NRG1: variants seen among roughly 807,000 people sequenced by gnomAD.
NRG1 encodes the protein neuregulin 1.
Under a neutral mutation model 63.8 loss-of-function variants are expected in NRG1, and 18 were observed. The ratio of observed to expected loss-of-function variants is 0.28; its 90% confidence interval spans 0.19 to 0.42. NRG1 has a LOEUF of 0.42. NRG1 is among the 10% of genes least tolerant of loss of function. NRG1 has a pLI of 1.00. For missense variants in NRG1, 762 were observed against 814.7 expected (o/e 0.94, Z 0.79); for synonymous variants, 302 against 301.3 (o/e 1.00, Z -0.02).
At chr8:32,044,390 A>T (rs1381467293) in intron 1 of NRG1, among the ~76,000 whole-genome samples, 1 of 151,894 alleles carries the variant, frequency 6.6e-6, no homozygotes. Flanking sequence ...GAAAATTGAC[A>T]GAACTAGTAA....
chr8:32,418,458 G>T (rs1455836957), intron 1 of NRG1, among the ~76,000 whole-genome samples: 1 of 151,474 alleles, frequency 6.6e-6, no homozygotes, highest in African/African-American at 2.4e-5. Context: ...ATATCAATTA[G>T]ATATTTTACA....
At chr8:32,337,676 A>AAAAAAAAAAAAAAAAAC (rs1325473731) in intron 1 of NRG1, among the ~76,000 whole-genome samples, 1 of 131,066 alleles carries the variant, frequency 7.6e-6, no homozygotes, top group Non-Finnish European at 1.7e-5. Context: ...AAAAAAAAAA[A>AAAAAAAAAAAAAAAAAC]AAAAAAGCTG....
At chr8:31,645,697 T>C (rs1371197465) in intron 1 of NRG1, among the ~76,000 whole-genome samples, 1 of 152,210 alleles carries the variant, frequency 6.6e-6, no homozygotes, top group African/African-American at 2.4e-5. Context: ...AGAACCAGGA[T>C]ATTTTTCCCT....
chr8:32,385,144 C>T (rs1337497373), intron 1 of NRG1, among the ~76,000 whole-genome samples: 1 of 152,048 alleles, frequency 6.6e-6, no homozygotes, highest in Non-Finnish European at 1.5e-5. Flanking sequence ...CTCAGCCTCC[C>T]GAGTAGCTGG....
intron 1 of NRG1, among the ~76,000 whole-genome samples, chr8:32,386,119 A>G (rs1390286106): frequency 1.3e-5 from 2 of 152,130 alleles, no homozygotes; most frequent in African/African-American, 2.4e-5. Flanking sequence ...TTATTTATTT[A>G]GAGACAGAGT....
intron 5 of NRG1, among the ~76,000 whole-genome samples, chr8:32,694,409 A>G (rs1189526305): frequency 6.6e-6 from 1 of 152,060 alleles, no homozygotes; most frequent in Admixed American, 6.5e-5. Flanking sequence ...AGATTGTGTT[A>G]TTACTAATAT....
At chr8:31,866,131 C>A (rs557081287) in intron 1 of NRG1, among the ~76,000 whole-genome samples, 4 of 152,184 alleles carry the variant, frequency 2.6e-5, no homozygotes, top group African/African-American at 9.7e-5. Flanking sequence ...GATTACCCAA[C>A]CACCATTGTA....
At chr8:31,838,642 C>A (rs1479116326) in intron 1 of NRG1, among the ~76,000 whole-genome samples, 1 of 152,066 alleles carries the variant, frequency 6.6e-6, no homozygotes, top group Non-Finnish European at 1.5e-5. Context: ...CCTCCAATAA[C>A]TTTTACCATC....
intron 5 of NRG1, among the ~76,000 whole-genome samples, chr8:32,694,113 T>G (rs190119947): frequency 6.6e-6 from 1 of 152,342 alleles, no homozygotes; most frequent in Admixed American, 6.5e-5. Context: ...TAGTGTATTC[T>G]TTTCACTGAG....
intron 1 of NRG1, among the ~76,000 whole-genome samples, chr8:32,484,331 G>C (rs982561331): frequency 6.6e-6 from 1 of 152,126 alleles, no homozygotes. Flanking sequence ...ACAATGACAA[G>C]ATACATTTTG....
At chr8:32,723,580 C>T (rs184858784) in intron 5 of NRG1, among the ~76,000 whole-genome samples, 132 of 145,118 alleles carry the variant, frequency 9.1e-4, no homozygotes, top group Middle Eastern at 3.8e-3. Flanking sequence ...CAGCTAGCTA[C>T]TCAGGAGGCT....
intron 1 of NRG1, among the ~76,000 whole-genome samples, chr8:32,485,266 C>T (rs1217379384): frequency 1.3e-5 from 2 of 152,126 alleles, no homozygotes; most frequent in Non-Finnish European, 2.9e-5. Flanking sequence ...AGTACCACGC[C>T]CAGCTAATTT....
At chr8:31,723,419 G>A (rs561993240) in intron 1 of NRG1, among the ~76,000 whole-genome samples, 6 of 152,156 alleles carry the variant, frequency 3.9e-5, no homozygotes, top group East Asian at 1.9e-4. Context: ...TCCACTTTTC[G>A]TGTGATTCCT....
chr8:31,916,149 G>C (rs1002042376), intron 1 of NRG1, among the ~76,000 whole-genome samples: 1 of 152,066 alleles, frequency 6.6e-6, no homozygotes, highest in Non-Finnish European at 1.5e-5. Flanking sequence ...TTATCTAAAA[G>C]TATGTTCCCA....
At chr8:31,639,939 G>A (rs1179761371) in intron 1 of NRG1, 2 of 1,121,306 alleles carry the variant, frequency 1.8e-6, no homozygotes, top group Non-Finnish European at 2.2e-6. Context: ...GAGAGAGCCG[G>A]GCAGAGTCCG....
intron 5 of NRG1, among the ~76,000 whole-genome samples, chr8:32,625,057 T>C (rs557444892): frequency 2.0e-4 from 31 of 152,352 alleles, no homozygotes; most frequent in Middle Eastern, 3.4e-3. Flanking sequence ...ATCAGACTTA[T>C]AGACATCACC....
intron 1 of NRG1, among the ~76,000 whole-genome samples, chr8:31,724,009 T>C (rs535832132): frequency 6.6e-6 from 1 of 152,226 alleles, no homozygotes; most frequent in Admixed American, 6.6e-5. Flanking sequence ...GCTTGGTCAC[T>C]TTTCTTAGTA....
chr8:32,473,119 G>A (rs923636981), intron 1 of NRG1, among the ~76,000 whole-genome samples: 11 of 152,136 alleles, frequency 7.2e-5, no homozygotes, highest in African/African-American at 2.2e-4. Context: ...TTGCAAAATC[G>A]TTTTGTTAAA....
At chr8:31,853,635 C>T (rs1294826427) in intron 1 of NRG1, among the ~76,000 whole-genome samples, 1 of 151,436 alleles carries the variant, frequency 6.6e-6, no homozygotes, top group Non-Finnish European at 1.5e-5. Context: ...CTGGCCAGAA[C>T]TTCCAACACT....
Sources: gnomAD v4.1 joint callset for allele counts (sites outside exome capture counted in the v4.1 genomes callset) on GRCh38, gnomAD v4.1.1 for gene constraint, MANE v1.5 for transcripts, NCBI Gene and HGNC (gene_info 2026-07-23, HGNC 2026-07-21) for gene names.